The following THSD7B variants were observed in gnomAD, a reference collection of about 807,000 sequenced individuals.
THSD7B encodes thrombospondin type-1 domain-containing protein 7B.
THSD7B carries 138 observed loss-of-function variants against 213.6 expected under a neutral mutation model. The observed-to-expected ratio is 0.65, with a 90% CI of 0.56 to 0.74. The LOEUF (loss-of-function observed/expected upper bound fraction) is 0.74, where lower values mean the gene tolerates loss of function less well. THSD7B is among the 30% of genes least tolerant of loss of function. THSD7B has a pLI of 0.00. For missense variants in THSD7B, 1,931 were observed against 1,991.5 expected (o/e 0.97, Z 0.58); for synonymous variants, 742 against 687.0 (o/e 1.08, Z -1.25).
intron 10 of THSD7B, among the ~76,000 whole-genome samples, chr2:137,271,386 T>TGG (rs1421331005): frequency 2.2e-5 from 3 of 139,466 alleles, no homozygotes; most frequent in Non-Finnish European, 3.0e-5. Flanking sequence ...TATATATATA[T>TGG]ATTATGAATT....
chr2:137,495,275 A>C (rs1175367804), intron 15 of THSD7B, among the ~76,000 whole-genome samples: 1 of 152,174 alleles, frequency 6.6e-6, no homozygotes, highest in Non-Finnish European at 1.5e-5. Flanking sequence ...ATAGCCTGAC[A>C]ATAAGGCAAT....
At chr2:137,667,691 T>C (rs1205511521) in intron 26 of THSD7B, 83 bp from the exon 27 acceptor site, 1 of 1,109,180 alleles carries the variant, frequency 9.0e-7, no homozygotes, top group African/African-American at 1.6e-5. Flanking sequence ...AGCTTGGGGT[T>C]GTCAGATCTG....
chr2:137,124,182 G>A (rs1347028), intron 5 of THSD7B, among the ~76,000 whole-genome samples: 78,391 of 151,968 alleles, frequency 0.52, 21,551 homozygotes, highest in Non-Finnish European at 0.6. Flanking sequence ...TGAGCGTCTC[G>A]CTCATCTTCA....
chr2:136,970,129 A>G (rs973364444), intron 2 of THSD7B, among the ~76,000 whole-genome samples: 19 of 152,196 alleles, frequency 1.2e-4, no homozygotes, highest in Non-Finnish European at 2.4e-4. Flanking sequence ...TAAAAATAAC[A>G]TAGAAGAAAT....
At chr2:136,831,735 G>A (rs937380749) in intron 1 of THSD7B, among the ~76,000 whole-genome samples, 3 of 152,182 alleles carry the variant, frequency 2.0e-5, no homozygotes, top group Non-Finnish European at 2.9e-5. Flanking sequence ...AGATGCTTTC[G>A]AAAGAAACTT....
At chr2:137,463,710 A>G (rs572187756) in intron 15 of THSD7B, among the ~76,000 whole-genome samples, 3 of 152,214 alleles carry the variant, frequency 2.0e-5, no homozygotes, top group East Asian at 3.9e-4. Flanking sequence ...CAGAGCCAGT[A>G]TCATCCATAT....
chr2:137,414,182 C>G (rs1399876204), intron 14 of THSD7B, among the ~76,000 whole-genome samples: 1 of 152,070 alleles, frequency 6.6e-6, no homozygotes, highest in Non-Finnish European at 1.5e-5. Flanking sequence ...GAGACTTTCA[C>G]CAGATGAAAA....
chr2:137,567,510 A>G (rs1681263923), intron 16 of THSD7B, among the ~76,000 whole-genome samples: 1 of 152,150 alleles, frequency 6.6e-6, no homozygotes, highest in Non-Finnish European at 1.5e-5. Flanking sequence ...CAAGGGATAC[A>G]GTTTTGAGGC....
chr2:137,661,319 G>A (rs1683338723), intron 25 of THSD7B, among the ~76,000 whole-genome samples: 1 of 151,974 alleles, frequency 6.6e-6, no homozygotes, highest in African/African-American at 2.4e-5. Context: ...AAGACCCATT[G>A]TCACAATGCC....
intron 1 of THSD7B, among the ~76,000 whole-genome samples, chr2:136,766,915 TATC>T (rs1161591121): frequency 6.6e-6 from 1 of 152,140 alleles, no homozygotes; most frequent in East Asian, 1.9e-4. Flanking sequence ...AGTGCTCTGT[TATC>T]ATGGAAATGG....
chr2:137,653,440 C>A lies in THSD7B; in HGVS notation c.3946-2061C>A, dbSNP rs1683174430. Among the ~76,000 whole-genome samples, 3 of 151,890 alleles carry A rather than the reference C, an allele frequency of 2.0e-5. No individual in the cohort carries two copies. In the South Asian group the frequency reaches 6.2e-4, roughly 31 times the overall value. ...GTCATATCTGTTTGGTGTTCTCTGA[C>A]CTTGCAGTACCTAGATATTTATATC... On this transcript the variant is annotated intron_variant, in intron 21 of 27. Coordinates refer to ENST00000409968, the MANE Select transcript of THSD7B (RefSeq NM_001316349.2).
chr2:136,973,838 T>G (rs1558872716), intron 2 of THSD7B, among the ~76,000 whole-genome samples: 1 of 152,216 alleles, frequency 6.6e-6, no homozygotes, highest in Non-Finnish European at 1.5e-5. Context: ...GGAGTTTTGA[T>G]GAAAGTAGAT....
rs1406620464 is a variant in THSD7B at position 137,048,858 on chromosome 2, GA to G, written c.140-7561del. Among the ~76,000 whole-genome samples the G allele has an allele frequency of 3.3e-5, 5 of 152,310 alleles. No individual in the cohort carries two copies. The South Asian group carries it at 1.0e-3, about 32-fold the overall frequency. On this transcript the variant is annotated intron_variant, in intron 2 of 27. Coordinates refer to ENST00000409968, the MANE Select transcript of THSD7B (RefSeq NM_001316349.2). ...CTTTCTGTGTAGTATAAAGCGAACA[GA>G]TATCTGGTCCTCTTGAGTGAAGTCA...
At chr2:136,814,448 G>A (rs1037710613) in intron 1 of THSD7B, among the ~76,000 whole-genome samples, 6 of 151,582 alleles carry the variant, frequency 4.0e-5, no homozygotes, top group African/African-American at 1.2e-4. Context: ...GCCCAGGCTC[G>A]AGTGCAGTGG....
At chr2:137,661,054 G>T (rs755565958) in intron 25 of THSD7B, among the ~76,000 whole-genome samples, 3 of 152,122 alleles carry the variant, frequency 2.0e-5, no homozygotes, top group Non-Finnish European at 4.4e-5. Context: ...TGAAGCTAAG[G>T]TCTGTTCAGA....
intron 1 of THSD7B, among the ~76,000 whole-genome samples, chr2:136,790,527 G>A (rs1681948422): frequency 6.6e-6 from 1 of 152,036 alleles, no homozygotes; most frequent in South Asian, 2.1e-4. Flanking sequence ...TACAATTTCT[G>A]TAGGTAATAG....
chr2:136,886,506 GGACATTTGGCAATGCCTGGA>G (rs1249714971), intron 2 of THSD7B, among the ~76,000 whole-genome samples: 1 of 152,126 alleles, frequency 6.6e-6, no homozygotes, highest in Non-Finnish European at 1.5e-5. Context: ...GCCGTGCTGG[GGACATTTGGCAATGCCTGGA>G]GACATTTCTG....
intron 2 of THSD7B, among the ~76,000 whole-genome samples, chr2:136,998,959 C>G: frequency 6.8e-6 from 1 of 146,430 alleles, no homozygotes; most frequent in African/African-American, 2.5e-5. Flanking sequence ...CACACACACA[C>G]CCCTGCTTTC....
chr2:137,233,515 T>C (rs1189786839), intron 9 of THSD7B, among the ~76,000 whole-genome samples: 1 of 152,214 alleles, frequency 6.6e-6, no homozygotes, highest in East Asian at 1.9e-4. Flanking sequence ...GGTTGTGTCT[T>C]ACTCTTCTTT....
Sources: allele counts gnomAD v4.1 joint callset (sites outside exome capture counted in the v4.1 genomes callset), GRCh38; gene constraint gnomAD v4.1.1; transcripts MANE v1.5; gene names NCBI Gene and HGNC (gene_info 2026-07-23, HGNC 2026-07-21).